AP3B1: variants seen among roughly 807,000 people sequenced by gnomAD.
AP3B1 encodes the protein AP-3 complex subunit beta-1.
In AP3B1, 61 loss-of-function variants were observed where a neutral mutation model predicts 132.5. The ratio of observed to expected loss-of-function variants is 0.46; its 90% CI spans 0.37 to 0.57. AP3B1 has a LOEUF of 0.57. AP3B1 is among the 20% of genes least tolerant of loss of function. The probability of loss-of-function intolerance (pLI) is 0.00; values close to 1 mark genes in which losing one functional copy is unlikely to be tolerated. For synonymous variants in AP3B1, 388 were observed against 438.3 expected (o/e 0.89, Z 1.43); for missense variants, 1,120 against 1,289.4 (o/e 0.87, Z 2.01).
intron 22 of AP3B1, among the ~76,000 whole-genome samples, chr5:78,046,473 G>C (rs1748335422): frequency 6.6e-6 from 1 of 152,152 alleles, no homozygotes; most frequent in Non-Finnish European, 1.5e-5. Flanking sequence ...GTGCCAAAAA[G>C]GGCTCTACAG....
chr5:78,008,949 C>G (rs1746504241), intron 26 of AP3B1, among the ~76,000 whole-genome samples: 1 of 152,024 alleles, frequency 6.6e-6, no homozygotes, highest in Non-Finnish European at 1.5e-5. Context: ...ATTAGAGACC[C>G]CATCAAGAAG....
At chr5:78,053,458 G>A (rs1351616195) in intron 22 of AP3B1, among the ~76,000 whole-genome samples, 1 of 152,044 alleles carries the variant, frequency 6.6e-6, no homozygotes, top group Non-Finnish European at 1.5e-5. Flanking sequence ...GAGGCCGGTG[G>A]ATCACGAGGT....
intron 21 of AP3B1, among the ~76,000 whole-genome samples, chr5:78,097,146 C>CGGGA (rs1750866462): frequency 7.9e-6 from 1 of 126,522 alleles, no homozygotes; most frequent in Non-Finnish European, 1.6e-5. Flanking sequence ...CCGCCCCGTC[C>CGGGA]GGGAGGTGAG....
chr5:78,135,978 T>C (rs1410562768), intron 15 of AP3B1, among the ~76,000 whole-genome samples: 1 of 151,350 alleles, frequency 6.6e-6, no homozygotes, highest in Non-Finnish European at 1.5e-5. Flanking sequence ...TGTTTTCTAC[T>C]CTTGATACTT....
At chr5:78,116,350 G>T in intron 17 of AP3B1, 116 bp from the exon 18 acceptor site, 1 of 842,776 alleles carries the variant, frequency 1.2e-6, no homozygotes, top group South Asian at 1.4e-5. Context: ...GGCCTCCACA[G>T]GGAATGCAAC....
chr5:78,189,917 A>AT (rs1262565098), intron 7 of AP3B1, among the ~76,000 whole-genome samples: 1 of 148,708 alleles, frequency 6.7e-6, no homozygotes, highest in Admixed American at 6.7e-5. Context: ...ATAAAATAAA[A>AT]TAAAATAAAA....
At position 78,039,062 on chromosome 5, in the gene AP3B1, C is replaced by T; in HGVS notation, c.2790G>A (p.Met930Ile). The T allele has an allele frequency of 1.9e-6, 3 of 1,588,566 alleles. No homozygotes were observed. The highest frequency in any genetic ancestry group is 2.6e-6 in the Non-Finnish European group (3 of 1,158,004). ...GEKKLPIGMK[M>I]HVFNPIDSLE... ...ATTTACCTATTGGATTAAAAACATG[C>T]ATTTTCATGCCTATAGGAAGTTTTT... is the stretch of plus-strand genomic sequence containing the variant. The change falls in exon 23 of 27, where the codon ATG becomes ATA. Residue 930 changes from methionine to isoleucine, a missense_variant. This residue lies in a region of AP3B1 where 906 missense variants were observed against 997.1 expected (regional missense o/e 0.91). Coordinates refer to ENST00000255194, the MANE Select transcript of AP3B1 (RefSeq NM_003664.5).
intron 22 of AP3B1, chr5:78,089,133 T>C: frequency 5.0e-6 from 2 of 396,662 alleles, no homozygotes; most frequent in Non-Finnish European, 9.4e-6. Flanking sequence ...TGAAGAACCT[T>C]TGTATGTTAC....
At chr5:78,174,327 C>T (rs1404575847) in intron 11 of AP3B1, among the ~76,000 whole-genome samples, 4 of 152,186 alleles carry the variant, frequency 2.6e-5, no homozygotes, top group Admixed American at 2.6e-4. Context: ...TGGTTTTATA[C>T]TACCTTTGGT....
intron 22 of AP3B1, among the ~76,000 whole-genome samples, chr5:78,051,046 G>A (rs1748557630): frequency 6.6e-6 from 1 of 152,146 alleles, no homozygotes; most frequent in African/African-American, 2.4e-5. Context: ...CAATTCTGCA[G>A]ACACAACATT....
In AP3B1 at chr5:78,260,691, C is replaced by A. The variant is rs560656061; in HGVS notation, c.204+6829G>T. Among the ~76,000 whole-genome samples, 5 of 151,822 alleles carry A rather than the reference C, an allele frequency of 3.3e-5. No individual in the cohort carries two copies. The South Asian group carries it at 1.0e-3, about 32-fold the overall frequency. ...GAGTGGGACAGCGCTCATGCCTACA[C>A]AACTATTTTTAATAGGGTTCATAAT... On this transcript the variant is annotated intron_variant, in intron 2 of 26. Transcript: ENST00000255194.
intron 1 of AP3B1, among the ~76,000 whole-genome samples, chr5:78,284,524 T>C (rs773307143): frequency 6.6e-6 from 1 of 152,218 alleles, no homozygotes; most frequent in Non-Finnish European, 1.5e-5. Context: ...AAAAGGACTA[T>C]CATTTTAAGA....
chr5:78,093,776 G>A (rs114517331), intron 21 of AP3B1, among the ~76,000 whole-genome samples: 3,047 of 152,272 alleles, frequency 0.02, 85 homozygotes, highest in African/African-American at 0.06. Context: ...ATGCTTTTAC[G>A]TATATCAAGT....
chr5:78,138,749 A>G (rs1753016421), intron 15 of AP3B1, among the ~76,000 whole-genome samples: 1 of 152,022 alleles, frequency 6.6e-6, no homozygotes, highest in Non-Finnish European at 1.5e-5. Context: ...AGGTGAGCAG[A>G]TCACTTGAGG....
chr5:78,281,470 A>G (rs1238525530), intron 1 of AP3B1, among the ~76,000 whole-genome samples: 2 of 150,722 alleles, frequency 1.3e-5, no homozygotes, highest in African/African-American at 4.9e-5. Context: ...GTTCTCATCT[A>G]TAGTTAATTA....
chr5:78,256,253 C>A (rs1216559697), intron 2 of AP3B1, among the ~76,000 whole-genome samples: 6 of 151,148 alleles, frequency 4.0e-5, no homozygotes, highest in African/African-American at 7.3e-5. Flanking sequence ...AAAAGTTAAA[C>A]AAAATTGACA....
Position 78,039,260 on chromosome 5 carries a change from T to G in AP3B1, c.2592A>C (p.Ala864=). 2.5e-6 allele frequency: 4 copies of G among 1,614,026 alleles called. No individual in the cohort carries two copies. The highest frequency in any genetic ancestry group is 3.4e-6 in the Non-Finnish European group (4 of 1,179,892). Reference sequence around the variant, plus strand: ...GCACGTGAGTTTTCGTTGGTACAAATGCAGGAGTACTGACCTATTACACAC... The same window carrying G: ...GCACGTGAGTTTTCGTTGGTACAAAGGCAGGAGTACTGACCTATTACACAC... The part of the protein sequence containing the change: ...SSSVISVSTP[A]FVPTKTHVLL... Residue 864 remains alanine (A), a synonymous_variant, in exon 23 of 27, where the codon GCA becomes GCC. Coordinates refer to ENST00000255194, the MANE Select transcript of AP3B1 (RefSeq NM_003664.5).
chr5:78,115,978 G>A lies in AP3B1; in HGVS notation c.2077+148C>T, dbSNP rs544919780. 2.0e-4 allele frequency: 137 copies of A among 696,024 alleles called. 1 individual carries two copies. In the African/African-American group the frequency reaches 2.1e-3, roughly 11 times the overall value. 43.1% of individuals were successfully genotyped at this position (696,024 alleles called of 1,614,324 possible). On this transcript the variant is annotated intron_variant, in intron 18 of 26. Coordinates refer to ENST00000255194, the MANE Select transcript of AP3B1 (RefSeq NM_003664.5). ...ATTAAAAATTACTTTGAAAACTAAAGAGTGATATATAAATGAAAGGGATTA... is the reference window on the plus strand; with the variant it reads ...ATTAAAAATTACTTTGAAAACTAAAAAGTGATATATAAATGAAAGGGATTA...
intron 22 of AP3B1, among the ~76,000 whole-genome samples, chr5:78,049,532 T>C (rs978135152): frequency 1.3e-5 from 2 of 152,164 alleles, no homozygotes; most frequent in African/African-American, 2.4e-5. Flanking sequence ...ATAAATGTCA[T>C]GACAGAAGCA....
Sources: gnomAD v4.1 joint callset for allele counts (sites outside exome capture counted in the v4.1 genomes callset) on GRCh38, gnomAD v4.1.1 for gene constraint, gnomAD v4.1.1 regional missense constraint, MANE v1.5 for transcripts, NCBI Gene and HGNC (gene_info 2026-07-23, HGNC 2026-07-21) for gene names.